The following NUBPL variants were observed in gnomAD, a reference collection of about 807,000 sequenced individuals.
The protein encoded by NUBPL is NUBP iron-sulfur cluster assembly factor, mitochondrial, also known as iron-sulfur cluster transfer protein NUBPL.
NUBPL carries 31 observed loss-of-function variants against 45.7 expected under a neutral mutation model. That is an observed-to-expected ratio of 0.68 (90% confidence interval 0.51 to 0.92). NUBPL has a LOEUF of 0.92. Ranked by LOEUF, NUBPL falls within the 40% of genes least tolerant of loss-of-function variation. The pLI is 0.00. For missense variants in NUBPL, 401 were observed against 398.7 expected, an observed-to-expected ratio of 1.01 and a Z score of -0.05; for synonymous variants, 144 against 140.9, an observed-to-expected ratio of 1.02 and a Z score of -0.15.
chr14:31,839,286 G>C lies in NUBPL; in HGVS notation c.694-7185G>C, dbSNP rs61996370. Reference sequence around the variant, plus strand: ...ACCCACTGTTTGTATCCCAGAAATAGAACAATAGAGAGCCTAGACATCATA... The same window carrying C: ...ACCCACTGTTTGTATCCCAGAAATACAACAATAGAGAGCCTAGACATCATA... On this transcript the variant is annotated intron_variant, in intron 8 of 10. Coordinates refer to ENST00000281081, the MANE Select transcript of NUBPL (RefSeq NM_025152.3). 1.7e-3 allele frequency among the ~76,000 whole-genome samples: 266 copies of C among 152,222 alleles called. 2 individuals are homozygous for C. The highest frequency in any genetic ancestry group is 4.1e-3 in the Admixed American group (63 of 15,300).
intron 6 of NUBPL, among the ~76,000 whole-genome samples, chr14:31,726,787 A>G (rs922412056): frequency 6.6e-6 from 1 of 152,088 alleles, no homozygotes; most frequent in Non-Finnish European, 1.5e-5. Flanking sequence ...AATAAGGGAA[A>G]CTATTGTGAA....
chr14:31,688,089 C>T (rs2036996569), intron 6 of NUBPL, among the ~76,000 whole-genome samples: 1 of 151,712 alleles, frequency 6.6e-6, no homozygotes, highest in East Asian at 1.9e-4. Context: ...TAATATTATT[C>T]AAGAAAAAAA....
At chr14:31,645,902 G>A (rs2120139) in intron 4 of NUBPL, among the ~76,000 whole-genome samples, 1 of 150,614 alleles carries the variant, frequency 6.6e-6, no homozygotes, top group Non-Finnish European at 1.5e-5. Context: ...CTAAAGTTAT[G>A]AGTGGACTAC....
At chr14:31,824,845 T>C (rs1280366056) in intron 7 of NUBPL, among the ~76,000 whole-genome samples, 1 of 152,204 alleles carries the variant, frequency 6.6e-6, no homozygotes, top group Non-Finnish European at 1.5e-5. Context: ...TGTCACAGCA[T>C]TCTGTATTTA....
chr14:31,640,496 T>A (rs1242562462), intron 4 of NUBPL, among the ~76,000 whole-genome samples: 2 of 151,354 alleles, frequency 1.3e-5, no homozygotes, highest in Non-Finnish European at 2.9e-5. Flanking sequence ...ATACCTGTAA[T>A]CCCAGCTACT....
intron 7 of NUBPL, among the ~76,000 whole-genome samples, chr14:31,810,771 A>G (rs956695244): frequency 5.3e-5 from 8 of 151,958 alleles, no homozygotes; most frequent in Non-Finnish European, 8.8e-5. Context: ...GTTCCTTTCC[A>G]TGTTTAGTGC....
chr14:31,623,759 G>A (rs76072254), intron 4 of NUBPL, among the ~76,000 whole-genome samples: 5 of 152,094 alleles, frequency 3.3e-5, no homozygotes, highest in East Asian at 3.9e-4. Flanking sequence ...GGACTAATAC[G>A]TATGGCAATC....
intron 4 of NUBPL, among the ~76,000 whole-genome samples, chr14:31,635,965 A>G (rs1286620639): frequency 3.3e-5 from 5 of 152,088 alleles, no homozygotes; most frequent in East Asian, 1.9e-4. Flanking sequence ...TGCTGAAGTT[A>G]CTTATCAGCT....
At position 31,669,808 on chromosome 14, in the gene NUBPL, T is replaced by TTTTTTC. The variant is rs1566489808; in HGVS notation, c.383-3547_383-3546insTTTTTC. On this transcript the variant is annotated intron_variant, in intron 4 of 10. Transcript: ENST00000281081. Reference sequence around the variant, plus strand: ...AAGACATGATCTTGGTTTTTTTTTTTGTTTTTTTTTTTTTACGGCTGCCTA... The same window carrying TTTTTTC: ...AAGACATGATCTTGGTTTTTTTTTTTTTTTTCGTTTTTTTTTTTTTACGGCTGCCTA... Among the ~76,000 whole-genome samples, 13 of 36,040 alleles carry TTTTTTC rather than the reference T, an allele frequency of 3.6e-4. 1 individual carries two copies. Among genetic ancestry groups the TTTTTTC allele is most frequent in the African/African-American group, 1.1e-3 (13 of 11,670 alleles). The allele number at this position is 36,040 out of a possible 152,430, so 23.6% of individuals were successfully genotyped here.
intron 6 of NUBPL, among the ~76,000 whole-genome samples, chr14:31,722,517 A>G (rs1181178592): frequency 1.3e-5 from 2 of 152,142 alleles, no homozygotes; most frequent in African/African-American, 2.4e-5. Context: ...GAATGGCCAC[A>G]CTTCTTTCCA....
chr14:31,615,843 C>G (rs1320239484), intron 4 of NUBPL, among the ~76,000 whole-genome samples: 1 of 152,192 alleles, frequency 6.6e-6, no homozygotes, highest in Non-Finnish European at 1.5e-5. Context: ...AATGCTATTT[C>G]TGGTTCTAGA....
chr14:31,802,688 T>A (rs188813184), intron 7 of NUBPL, among the ~76,000 whole-genome samples: 1 of 152,296 alleles, frequency 6.6e-6, no homozygotes, highest in African/African-American at 2.4e-5. Context: ...AAACTTATTT[T>A]CCTTATAAAT....
At chr14:31,608,173 A>T (rs745815387) in intron 4 of NUBPL, among the ~76,000 whole-genome samples, 2 of 152,212 alleles carry the variant, frequency 1.3e-5, no homozygotes, top group East Asian at 3.9e-4. Context: ...GAAGAAATAA[A>T]GACTTTCCCA....
chr14:31,745,703 G>A (rs115349457), intron 6 of NUBPL, among the ~76,000 whole-genome samples: 31 of 151,960 alleles, frequency 2.0e-4, no homozygotes, highest in African/African-American at 5.3e-4. Context: ...TGGGGTGCAC[G>A]GTAACATATT....
At chr14:31,846,738 C>G (rs759802022) in intron 9 of NUBPL, 147 bp downstream of exon 9, 2 of 1,302,346 alleles carry the variant, frequency 1.5e-6, no homozygotes, top group African/African-American at 2.9e-5. Context: ...GGACAGATCA[C>G]GAGGTCAGGA....
intron 6 of NUBPL, among the ~76,000 whole-genome samples, chr14:31,747,396 C>T (rs1025417632): frequency 5.9e-5 from 9 of 151,880 alleles, no homozygotes; most frequent in East Asian, 1.9e-4. Context: ...CTTGGCCTCC[C>T]AAAGTGCTGG....
intron 6 of NUBPL, among the ~76,000 whole-genome samples, chr14:31,720,562 T>G (rs956291088): frequency 6.6e-6 from 1 of 152,210 alleles, no homozygotes; most frequent in African/African-American, 2.4e-5. Context: ...CTTTGTGTAC[T>G]TTGTTTCTTT....
At chr14:31,759,189 G>C (rs992068046) in intron 6 of NUBPL, among the ~76,000 whole-genome samples, 10 of 151,980 alleles carry the variant, frequency 6.6e-5, no homozygotes, top group African/African-American at 1.7e-4. Context: ...TTTGTAATTT[G>C]TTTATTCTTT....
At chr14:31,787,928 T>A in intron 7 of NUBPL, 55 bp downstream of exon 7, 1 of 1,230,596 alleles carries the variant, frequency 8.1e-7, no homozygotes, top group South Asian at 1.2e-5. Flanking sequence ...TTGTTATTGC[T>A]ATACCAAAAA....
Sources: allele counts gnomAD v4.1 joint callset (sites outside exome capture counted in the v4.1 genomes callset), GRCh38; gene constraint gnomAD v4.1.1; transcripts MANE v1.5; gene names NCBI Gene and HGNC (gene_info 2026-07-23, HGNC 2026-07-21).